GABRR1: variants seen among roughly 807,000 people sequenced by gnomAD.
GABRR1 encodes the protein gamma-aminobutyric acid type A receptor subunit rho1.
GABRR1 carries 59 observed loss-of-function variants against 55.5 expected under a neutral mutation model. That is an observed-to-expected ratio of 1.06 (90% CI 0.86 to 1.32). The LOEUF is 1.32. Ranked by LOEUF, GABRR1 falls within the 40% of genes most tolerant of loss-of-function variation. GABRR1 has a pLI of 0.00. For synonymous variants in GABRR1, 213 were observed against 226.0 expected (o/e 0.94, Z 0.51); for missense variants, 602 against 619.1 (o/e 0.97, Z 0.29).
At chr6:89,184,880 T>C (rs1362205324) in intron 7 of GABRR1, among the ~76,000 whole-genome samples, 1 of 121,428 alleles carries the variant, frequency 8.2e-6, no homozygotes, top group Admixed American at 8.5e-5. Context: ...TAGTTTCTTT[T>C]CTTTCTTTTT....
Position 89,181,934 on chromosome 6 carries a change from C to A in GABRR1, c.920G>T (p.Arg307Leu), listed in dbSNP as rs754935132. 2.5e-6 allele frequency: 4 copies of A among 1,613,410 alleles called. No homozygotes were observed. The highest frequency in any genetic ancestry group is 3.3e-4 in the Middle Eastern group (2 of 6,062). ...MLSWVSFWID[R>L]RAVPARVPLG... is the part of the protein sequence containing the mutation. The stretch of plus-strand genomic sequence containing the variant: ...GGGGACTCTGGCAGGCACGGCTCTG[C>A]GGTCGATCCAGAAGGACACCCAGGA... The change falls in exon 8 of 10, where the codon CGC becomes CTC. Residue 307 changes from arginine to leucine, a missense_variant. Physicochemically the swap from Arg to Leu is moderately radical, Grantham distance 102. Around this residue, in one of 3 missense-constraint regions of GABRR1, gnomAD observed 435 missense variants for 424.2 expected, o/e 1.03. Transcript: ENST00000454853.
chr6:89,182,205 G>C (rs1582373462), intron 7 of GABRR1, 148 bp from the exon 8 acceptor site: 2 of 752,054 alleles, frequency 2.7e-6, no homozygotes, highest in East Asian at 5.4e-5. Flanking sequence ...ATGAAACAAA[G>C]TGATTATATA....
intron 2 of GABRR1, 42 bp downstream of exon 2, chr6:89,203,393 G>A (rs4457139): frequency 0.67 from 1,047,242 of 1,559,904 alleles, 354,400 homozygotes; most frequent in East Asian, 0.91. Context: ...GGTTCACGGA[G>A]GAAACATCTG....
At chr6:89,216,838 G>A (rs1284477493) in intron 1 of GABRR1, among the ~76,000 whole-genome samples, 1 of 152,110 alleles carries the variant, frequency 6.6e-6, no homozygotes, top group Non-Finnish European at 1.5e-5. Context: ...AGGTCCCATT[G>A]GTAATTTGAG....
At chr6:89,196,789 A>T (rs1161581086) in intron 5 of GABRR1, among the ~76,000 whole-genome samples, 1 of 149,432 alleles carries the variant, frequency 6.7e-6, no homozygotes, top group African/African-American at 2.5e-5. Flanking sequence ...AAAAAAGAAA[A>T]GAAGGAAAGA....
In GABRR1 at chr6:89,178,844, C is replaced by T. The variant is rs1562278272; in HGVS notation, c.1366G>A (p.Asp456Asn). The T allele has an allele frequency of 6.2e-7, 1 of 1,614,104 alleles. No homozygotes were observed. Among genetic ancestry groups the T allele is most frequent in the Non-Finnish European group, 8.5e-7 (1 of 1,179,998 alleles). Reference protein sequence around the residue: ...VSMRIDTHAIDKYSRIIFPAA... With the variant: ...VSMRIDTHAINKYSRIIFPAA... Reference sequence around the variant, plus strand: ...GGAAAGATGATCCTGGAGTATTTATCAATGGCGTGGGTGTCGATTCTCATG... The same window carrying T: ...GGAAAGATGATCCTGGAGTATTTATTAATGGCGTGGGTGTCGATTCTCATG... The change falls in exon 10 of 10, where the codon GAT (aspartate) becomes AAT (asparagine). Residue 456 changes from aspartate to asparagine, a missense_variant. Transcript: ENST00000454853.
intron 1 of GABRR1, among the ~76,000 whole-genome samples, chr6:89,210,860 G>C (rs1403315645): frequency 1.3e-5 from 2 of 152,184 alleles, no homozygotes; most frequent in East Asian, 1.9e-4. Flanking sequence ...TCCTTGGAGA[G>C]AAGGGTGGTG....
chr6:89,189,977 C>A (rs1772033832), intron 6 of GABRR1, among the ~76,000 whole-genome samples, 188 bp downstream of exon 6: 1 of 151,564 alleles, frequency 6.6e-6, no homozygotes, highest in Admixed American at 6.6e-5. Context: ...ACCTGGGAGG[C>A]AGAGGTTGCA....
intron 1 of GABRR1, among the ~76,000 whole-genome samples, chr6:89,224,929 C>G (rs1471374488): frequency 2.6e-5 from 4 of 152,010 alleles, no homozygotes; most frequent in Admixed American, 2.0e-4. Flanking sequence ...ATTACAGGCA[C>G]CCAACACCAC....
Position 89,178,094 on chromosome 6 carries a change from T to C in GABRR1, c.*676A>G, listed in dbSNP as rs1303303075. 1 of 152,604 alleles carries C rather than the reference T, an allele frequency of 6.6e-6. No individual in the cohort carries two copies. The highest frequency in any genetic ancestry group is 1.9e-4 in the East Asian group (1 of 5,196). 9.5% of individuals were successfully genotyped at this position (152,604 alleles called of 1,614,324 possible). A position where few individuals can be genotyped will look rare whatever the true frequency, so the allele number is the denominator to read the frequency against. On this transcript the variant is annotated 3_prime_UTR_variant, in exon 10 of 10. Transcript: ENST00000454853. ...ACACAACAGACAAAATGCATGTGTG[T>C]ACTCTTATCTTCAAAGTTTCCCTAC...
intron 5 of GABRR1, 30 bp from the exon 6 acceptor site, chr6:89,190,277 T>C (rs779991565): frequency 2.0e-6 from 3 of 1,536,866 alleles, no homozygotes; most frequent in South Asian, 2.4e-5. Context: ...ATTGATTTAT[T>C]CAGAGCCTGC....
At chr6:89,187,663 C>T (rs1258575716) in intron 6 of GABRR1, among the ~76,000 whole-genome samples, 3 of 152,190 alleles carry the variant, frequency 2.0e-5, no homozygotes, top group Non-Finnish European at 4.4e-5. Flanking sequence ...CACCATTCTA[C>T]TTTCTGTCTC....
chr6:89,198,006 GC>G lies in GABRR1; in HGVS notation c.572+13del, dbSNP rs781712512. ...TTTTCTTGGTTAATATGAATGATCT[GC>G]CTTTCTTCCTACCTGAGACTATAGA... On this transcript the variant is annotated intron_variant, in intron 5 of 9. Coordinates refer to ENST00000454853, the MANE Select transcript of GABRR1 (RefSeq NM_002042.5). 3.1e-6 allele frequency: 5 copies of G among 1,605,074 alleles called. No homozygotes were observed. The South Asian group carries it at 5.5e-5, about 18-fold the overall frequency.
At chr6:89,189,840 T>A (rs1297099591) in intron 6 of GABRR1, among the ~76,000 whole-genome samples, 1 of 152,054 alleles carries the variant, frequency 6.6e-6, no homozygotes, top group Non-Finnish European at 1.5e-5. Flanking sequence ...AGGTCAGGCG[T>A]TGGAGATCAG....
chr6:89,214,711 A>G (rs1168048334), intron 1 of GABRR1, among the ~76,000 whole-genome samples: 1 of 152,218 alleles, frequency 6.6e-6, no homozygotes, highest in Admixed American at 6.5e-5. Flanking sequence ...ATATCATCTC[A>G]CACCAGTCGG....
intron 5 of GABRR1, among the ~76,000 whole-genome samples, chr6:89,196,333 T>A (rs963419230): frequency 1.4e-5 from 2 of 147,536 alleles, no homozygotes; most frequent in African/African-American, 5.1e-5. Flanking sequence ...GTATGCATAC[T>A]TTCCCCCCAG....
rs151091230 is a variant in GABRR1 at position 89,217,236 on chromosome 6, G to A, written c.87C>T (p.Pro29=). ...VLATESRMHW[P]GREVHEMSKK... ...TAGACATCTCGTGGACTTCTCTTCC[G>A]GGCCAGTGCATTCTGCTTTCAGTGG... The change falls in exon 1 of 10, where the codon CCC becomes CCT. Residue 29 remains proline, a synonymous_variant. Coordinates refer to ENST00000454853, the MANE Select transcript of GABRR1 (RefSeq NM_002042.5). 2.2e-3 allele frequency: 3,474 copies of A among 1,613,796 alleles called. 38 individuals are homozygous for A. In the South Asian group the frequency reaches 0.022, roughly 10 times the overall value.
chr6:89,188,085 T>C (rs1168706182), intron 6 of GABRR1, among the ~76,000 whole-genome samples: 3 of 151,988 alleles, frequency 2.0e-5, no homozygotes, highest in Non-Finnish European at 2.9e-5. Flanking sequence ...GGTGCAATCA[T>C]AGCTCACTGC....
rs542005717 is a variant in GABRR1 at position 89,230,999 on chromosome 6, A to G, written c.-411+217T>C. 3.2e-3 allele frequency among the ~76,000 whole-genome samples: 482 copies of G among 151,950 alleles called. 2 individuals carry two copies. The highest frequency in any genetic ancestry group is 5.5e-3 in the Non-Finnish European group (373 of 67,920). On this transcript the variant is annotated intron_variant, in intron 1 of 11. Coordinates refer to the GABRR1 transcript ENST00000369451. ...TTTTTAAGCCGGTCTGAAAAGCGCA[A>G]TATTCGGGTGGGAGTGACCCGATTT...
Sources: gnomAD v4.1 joint callset for allele counts (sites outside exome capture counted in the v4.1 genomes callset) on GRCh38, gnomAD v4.1.1 for gene constraint, gnomAD v4.1.1 regional missense constraint, MANE v1.5 for transcripts, NCBI Gene and HGNC (gene_info 2026-07-23, HGNC 2026-07-21) for gene names.